Variants in MGLL observed in about 807,000 individuals in gnomAD.
The protein encoded by MGLL is monoglyceride lipase.
A neutral mutation model predicts 29.1 loss-of-function variants in MGLL; 7 were observed. The ratio of observed to expected loss-of-function variants is 0.24; its 90% confidence interval spans 0.14 to 0.45. The LOEUF (loss-of-function observed/expected upper bound fraction) is 0.45, where lower values mean the gene tolerates loss of function less well. MGLL is among the 20% of genes least tolerant of loss of function. The pLI is 0.99. For synonymous variants in MGLL, 148 were observed against 168.3 expected, an observed-to-expected ratio of 0.88 and a Z score of 0.93; for missense variants, 356 against 413.6, an observed-to-expected ratio of 0.86 and a Z score of 1.21.
intron 4 of MGLL, among the ~76,000 whole-genome samples, chr3:127,721,519 T>G (rs948871453): frequency 1.5e-4 from 22 of 150,184 alleles, no homozygotes; most frequent in African/African-American, 5.1e-4. Flanking sequence ...TTTTTTTTTT[T>G]TTTTTTTTTT....
intron 3 of MGLL, among the ~76,000 whole-genome samples, chr3:127,774,184 C>G (rs2076994938): frequency 6.6e-6 from 1 of 152,246 alleles, no homozygotes; most frequent in Non-Finnish European, 1.5e-5. Flanking sequence ...TGCTGGCGAC[C>G]TGAGAGCACC....
chr3:127,736,353 G>C (rs2076242168), intron 3 of MGLL: 2 of 985,812 alleles, frequency 2.0e-6, no homozygotes, highest in African/African-American at 3.5e-5. Flanking sequence ...CTGAAGTCAG[G>C]ATCCCAGAGC....
At chr3:127,717,378 G>A (rs1402864692) in intron 5 of MGLL, among the ~76,000 whole-genome samples, 3 of 152,202 alleles carry the variant, frequency 2.0e-5, no homozygotes, top group South Asian at 2.1e-4. Flanking sequence ...ATGCTAGCTG[G>A]TCTGAGCTGG....
intron 3 of MGLL, among the ~76,000 whole-genome samples, chr3:127,734,231 A>G (rs1160363524): frequency 6.6e-6 from 1 of 152,184 alleles, no homozygotes; most frequent in East Asian, 1.9e-4. Context: ...TGTTACCCAA[A>G]ATGCAGGAAA....
At chr3:127,703,093 C>A (rs2075529797) in intron 6 of MGLL, among the ~76,000 whole-genome samples, 1 of 152,226 alleles carries the variant, frequency 6.6e-6, no homozygotes, top group Non-Finnish European at 1.5e-5. Context: ...CCCGCCCCAC[C>A]ACTGTCTCCT....
intron 5 of MGLL, among the ~76,000 whole-genome samples, chr3:127,715,215 C>T (rs114901199): frequency 5.3e-5 from 8 of 152,320 alleles, no homozygotes; most frequent in South Asian, 2.1e-4. Flanking sequence ...ATCCTGTGTG[C>T]AGCTAGAGCA....
chr3:127,819,229 T>C (rs2077814794), intron 2 of MGLL, among the ~76,000 whole-genome samples: 1 of 152,204 alleles, frequency 6.6e-6, no homozygotes, highest in Non-Finnish European at 1.5e-5. Flanking sequence ...GAGCCAGTCT[T>C]GGAACCCAGC....
intron 7 of MGLL, 146 bp from the exon 8 acceptor site, chr3:127,692,469 A>G (rs1195015382): frequency 3.2e-6 from 3 of 929,212 alleles, no homozygotes; most frequent in East Asian, 2.6e-5. Context: ...TCCCATTATT[A>G]GGAGGCCAAC....
At chr3:127,735,929 G>A (rs1229175404) in intron 3 of MGLL, 3 of 1,506,088 alleles carry the variant, frequency 2.0e-6, no homozygotes, top group Non-Finnish European at 2.7e-6. Flanking sequence ...TGCACCTTCA[G>A]TTAGAATCCT....
At chr3:127,807,248 T>G (rs1485000948) in intron 2 of MGLL, among the ~76,000 whole-genome samples, 1 of 152,202 alleles carries the variant, frequency 6.6e-6, no homozygotes, top group Non-Finnish European at 1.5e-5. Flanking sequence ...TTATCAAATT[T>G]ATTAGCACAC....
chr3:127,753,545 T>A (rs2076596990), intron 3 of MGLL, among the ~76,000 whole-genome samples: 1 of 152,250 alleles, frequency 6.6e-6, no homozygotes, highest in Non-Finnish European at 1.5e-5. Flanking sequence ...ATATGTCAAC[T>A]GACGTGCTGG....
chr3:127,740,086 G>A (rs886677096), intron 3 of MGLL, among the ~76,000 whole-genome samples: 6 of 152,208 alleles, frequency 3.9e-5, no homozygotes, highest in Non-Finnish European at 5.9e-5. Context: ...TGGGTCCAGC[G>A]TGGCCCAGTC....
At chr3:127,764,957 A>G (rs551115138) in intron 3 of MGLL, among the ~76,000 whole-genome samples, 1 of 152,360 alleles carries the variant, frequency 6.6e-6, no homozygotes, top group East Asian at 1.9e-4. Flanking sequence ...TGAGATGCAG[A>G]GAGGTTAGTA....
intron 3 of MGLL, among the ~76,000 whole-genome samples, chr3:127,745,418 C>T (rs982887712): frequency 2.0e-5 from 3 of 152,142 alleles, no homozygotes; most frequent in African/African-American, 7.2e-5. Context: ...GACCTGGAGG[C>T]CATTATCTTA....
chr3:127,712,499 G>A (rs1240457113), intron 5 of MGLL: 3 of 152,232 alleles, frequency 2.0e-5, no homozygotes, highest in Admixed American at 2.0e-4. Context: ...TTCTCAAATG[G>A]TAGAAATCAG....
At chr3:127,809,856 A>G (rs546626516) in intron 2 of MGLL, among the ~76,000 whole-genome samples, 2 of 152,200 alleles carry the variant, frequency 1.3e-5, no homozygotes, top group Non-Finnish European at 2.9e-5. Flanking sequence ...AAGGCAAAGG[A>G]TAAACCAACA....
intron 3 of MGLL, among the ~76,000 whole-genome samples, chr3:127,760,614 CA>C (rs1204753556): frequency 1.3e-5 from 2 of 152,224 alleles, no homozygotes; most frequent in Non-Finnish European, 2.9e-5. Context: ...GCCGCTGCGG[CA>C]CTTCTGTCAG....
At chr3:127,759,410 T>C (rs2076722557) in intron 3 of MGLL, among the ~76,000 whole-genome samples, 1 of 152,068 alleles carries the variant, frequency 6.6e-6, no homozygotes. Context: ...ACACCTGATG[T>C]GACCAAGGCT....
At chr3:127,708,259 G>A (rs1259553318) in intron 6 of MGLL, among the ~76,000 whole-genome samples, 2 of 152,240 alleles carry the variant, frequency 1.3e-5, no homozygotes, top group African/African-American at 4.8e-5. Context: ...AGGCGAGGGA[G>A]GGAAAGGCGT....
Sources: allele counts gnomAD v4.1 joint callset (sites outside exome capture counted in the v4.1 genomes callset), GRCh38; gene constraint gnomAD v4.1.1; transcripts MANE v1.5; gene names NCBI Gene and HGNC (gene_info 2026-07-23, HGNC 2026-07-21).